FSIP2: variants seen among roughly 807,000 people sequenced by gnomAD.
The protein encoded by FSIP2 is fibrous sheath-interacting protein 2.
Under a neutral mutation model 510.5 loss-of-function variants are expected in FSIP2, and 367 were observed. The observed-to-expected ratio is 0.72, with a 90% CI of 0.66 to 0.78. FSIP2 has a LOEUF of 0.78. Among genes scored for constraint, FSIP2 ranks in the 30% least tolerant of loss-of-function variants. The probability of loss-of-function intolerance (pLI) is 0.00; values close to 1 mark genes in which losing one functional copy is unlikely to be tolerated. For missense variants in FSIP2, 7,594 were observed against 7,901.7 expected, an observed-to-expected ratio of 0.96 and a Z score of 1.48; for synonymous variants, 2,601 against 2,732.2, an observed-to-expected ratio of 0.95 and a Z score of 1.50.
rs750879941 is a variant in FSIP2 at position 185,796,639 on chromosome 2, C to T, written c.9503C>T (p.Thr3168Ile). Reference sequence around the variant, plus strand: ...TTAGCAACTAATATGAAAATGTTCACATCAAAGTTAAAGGAAGGTAGTTTG... The same window carrying T: ...TTAGCAACTAATATGAAAATGTTCATATCAAAGTTAAAGGAAGGTAGTTTG... ...VELATNMKMF[T>I]SKLKEGSLGI... Residue 3168 changes from threonine (T) to isoleucine (I), a missense_variant, in exon 16 of 23, where the codon ACA becomes ATA. Physicochemically the swap from Thr to Ile is moderately conservative, Grantham distance 89 (BLOSUM62 -1). Coordinates refer to ENST00000424728, the MANE Select transcript of FSIP2 (RefSeq NM_173651.4). The T allele has an allele frequency of 2.0e-6, 3 of 1,534,850 alleles. No individual in the cohort carries two copies. The highest frequency in any genetic ancestry group is 2.4e-5 in the South Asian group (2 of 84,042).
intron 22 of FSIP2, among the ~76,000 whole-genome samples, chr2:185,832,263 C>T (rs531966028): frequency 1.3e-5 from 2 of 151,988 alleles, no homozygotes; most frequent in African/African-American, 4.8e-5. Flanking sequence ...TCATTGTCTA[C>T]ACACACAAAT....
chr2:185,764,067 T>G (rs1692409479), intron 12 of FSIP2, among the ~76,000 whole-genome samples: 1 of 144,688 alleles, frequency 6.9e-6, no homozygotes, highest in Non-Finnish European at 1.5e-5. Flanking sequence ...GGCCAAAATA[T>G]TATAAAGGCT....
In FSIP2 at chr2:185,792,725, T is replaced by C. The variant is rs1340656691; in HGVS notation, c.5589T>C (p.Asn1863=). The change falls in exon 16 of 23, where the codon AAT becomes AAC. Residue 1863 remains asparagine, a synonymous_variant. Transcript: ENST00000424728. ...ATTCAGCTGCCATGACAGAAAGAAA[T>C]GTAAGGGAAAATAGGTATAAAACTA... ...KLYSAAMTER[N]VRENRYKTIT... 6.5e-7 allele frequency: 1 copy of C among 1,533,994 alleles called. No individual in the cohort carries two copies. The highest frequency in any genetic ancestry group is 8.7e-7 in the Non-Finnish European group (1 of 1,145,524).
At chr2:185,797,585 G>C in intron 16 of FSIP2, 59 bp downstream of exon 16, 3 of 1,453,674 alleles carry the variant, frequency 2.1e-6, no homozygotes, top group Non-Finnish European at 2.7e-6. Context: ...ACCAGTAAAA[G>C]ACATGTTTAA....
At chr2:185,799,500 T>C (rs1343240306) in intron 16 of FSIP2, among the ~76,000 whole-genome samples, 197 bp from the exon 17 acceptor site, 3 of 151,754 alleles carry the variant, frequency 2.0e-5, no homozygotes, top group Admixed American at 6.6e-5. Flanking sequence ...ATTTTCTCAA[T>C]TTATTGGCTA....
At chr2:185,821,925 C>CAA (rs35066355) in intron 19 of FSIP2, among the ~76,000 whole-genome samples, 5 of 127,460 alleles carry the variant, frequency 3.9e-5, no homozygotes, top group Admixed American at 8.1e-5. Context: ...GACCCTATCT[C>CAA]AAAAAAAAAA....
At chr2:185,781,849 T>TA (rs1692855754) in intron 13 of FSIP2, among the ~76,000 whole-genome samples, 1 of 151,866 alleles carries the variant, frequency 6.6e-6, no homozygotes. Flanking sequence ...CACTCTTTTT[T>TA]TTTTTTGAGA....
intron 9 of FSIP2, among the ~76,000 whole-genome samples, chr2:185,760,087 A>G (rs574215445): frequency 1.3e-4 from 19 of 150,862 alleles, no homozygotes; most frequent in South Asian, 4.1e-4. Context: ...TATTTCATTT[A>G]TTAATTATCT....
At chr2:185,752,282 A>G (rs1429355979) in intron 7 of FSIP2, among the ~76,000 whole-genome samples, 2 of 150,904 alleles carry the variant, frequency 1.3e-5, no homozygotes, top group Non-Finnish European at 1.5e-5. Flanking sequence ...CATTGATTCC[A>G]AGAAGAATTC....
At chr2:185,751,484 T>TGC (rs1692146169) in intron 7 of FSIP2, among the ~76,000 whole-genome samples, 1 of 130,156 alleles carries the variant, frequency 7.7e-6, no homozygotes, top group South Asian at 2.5e-4. Context: ...TGTGTGTGTG[T>TGC]GTGTGTGTGT....
chr2:185,826,212 G>GT (rs1694010213), intron 20 of FSIP2, among the ~76,000 whole-genome samples: 1 of 151,758 alleles, frequency 6.6e-6, no homozygotes, highest in South Asian at 2.1e-4. Flanking sequence ...ATGTAACCTT[G>GT]TTAAGCAAAG....
intron 7 of FSIP2, 91 bp from the exon 8 acceptor site, chr2:185,753,630 AT>A (rs1692189110): frequency 4.7e-6 from 3 of 631,810 alleles, no homozygotes; most frequent in African/African-American, 3.8e-5. Context: ...CTGATTATCC[AT>A]TTTCAAAATA....
Position 185,807,720 on chromosome 2 carries a change from A to G in FSIP2, c.18414A>G (p.Leu6138=). ...TGCAGAGCTATTTTTGTGGAGAGCT[A>G]ACTCCACATCAGTGTGTGGAAGTTG... is the stretch of plus-strand genomic sequence containing the variant. ...NQLQSYFCGE[L]TPHQCVEVEN... is the part of the protein sequence containing the mutation. The change falls in exon 17 of 23, where the codon CTA becomes CTG. Residue 6138 remains leucine (L), a synonymous_variant. Coordinates refer to ENST00000424728, the MANE Select transcript of FSIP2 (RefSeq NM_173651.4). 1.2e-6 allele frequency: 2 copies of G among 1,612,562 alleles called. No individual in the cohort carries two copies. Among genetic ancestry groups the G allele is most frequent in the South Asian group, 2.2e-5 (2 of 91,030 alleles).
rs1183517379 is a variant in FSIP2, at chr2:185,802,125, T to C, written c.12819T>C (p.Thr4273=). Residue 4273 remains threonine, a synonymous_variant, in exon 17 of 23, where the codon ACT becomes ACC. Transcript: ENST00000424728. ...GAGAGGTTTTATGTCATCCAAGGACTCCACTGGATCCAGTGTCTACTATTG... is the reference window on the plus strand; with the variant it reads ...GAGAGGTTTTATGTCATCCAAGGACCCCACTGGATCCAGTGTCTACTATTG... ...LSGEVLCHPR[T]PLDPVSTIVT... The C allele has an allele frequency of 1.0e-5, 16 of 1,532,728 alleles. No homozygotes were observed. Among genetic ancestry groups the C allele is most frequent in the Non-Finnish European group, 1.4e-5 (16 of 1,144,588 alleles). The allele number at this position is 1,532,728 out of a possible 1,614,324, so 94.9% of individuals were successfully genotyped here.
Position 185,756,230 on chromosome 2 carries a change from A to C in FSIP2, c.1030A>C (p.Met344Leu), listed in dbSNP as rs189753181. 1 of 1,345,468 alleles carries C rather than the reference A, an allele frequency of 7.4e-7. No individual in the cohort carries two copies. The allele number at this position is 1,345,468 out of a possible 1,614,324, so 83.3% of individuals were successfully genotyped here. Residue 344 changes from methionine to leucine, a missense_variant, in exon 9 of 23, where the codon ATG becomes CTG. Physicochemically the swap from Met to Leu is conservative, Grantham distance 15. Coordinates refer to ENST00000424728, the MANE Select transcript of FSIP2 (RefSeq NM_173651.4). Reference sequence around the variant, plus strand: ...TAAAAAGAAGACTTCTGAAGATATAATGTTAGTTTATCCTGCTGGAGACCA... The same window carrying C: ...TAAAAAGAAGACTTCTGAAGATATACTGTTAGTTTATCCTGCTGGAGACCA... The part of the protein sequence containing the change: ...KNKKKTSEDI[M>L]LVYPAGDQNT...
At position 185,804,659 on chromosome 2, in the gene FSIP2, T is replaced by C; in HGVS notation, c.15353T>C (p.Leu5118Ser). Residue 5118 changes from leucine to serine, a missense_variant, in exon 17 of 23, where the codon TTA (leucine) becomes TCA (serine). Physicochemically the swap from Leu to Ser is moderately radical, Grantham distance 145. Transcript: ENST00000424728. ...PYITVLPHSL[L>S]EDMVYRLLGH... ...ATTACTGTGTTGCCTCATTCTCTTT[T>C]AGAAGATATGGTTTACAGGCTTCTA... The C allele has an allele frequency of 6.5e-7, 1 of 1,533,070 alleles. No homozygotes were observed. The allele number at this position is 1,533,070 out of a possible 1,614,324, so 95.0% of individuals were successfully genotyped here. A position where few individuals can be genotyped will look rare whatever the true frequency, so the allele number is the denominator to read the frequency against.
chr2:185,785,810 C>G (rs1559023562), intron 14 of FSIP2, among the ~76,000 whole-genome samples: 1 of 151,908 alleles, frequency 6.6e-6, no homozygotes, highest in Non-Finnish European at 1.5e-5. Context: ...GGGGAGAGGA[C>G]AGTGGAACTA....
chr2:185,790,645 T>A lies in FSIP2; in HGVS notation c.3509T>A (p.Ile1170Lys), dbSNP rs1320707290. 6.5e-7 allele frequency: 1 copy of A among 1,533,802 alleles called. No homozygotes were observed. The highest frequency in any genetic ancestry group is 8.7e-7 in the Non-Finnish European group (1 of 1,145,364). Residue 1170 changes from isoleucine (I) to lysine (K), a missense_variant, in exon 16 of 23, where the codon ATA becomes AAA. Coordinates refer to ENST00000424728, the MANE Select transcript of FSIP2 (RefSeq NM_173651.4). ...GAAATCAGTACAGTGGCTCAAGAAA[T>A]AACAGATTCTGTGTTAAACATACTT... ...VSEISTVAQE[I>K]TDSVLNILHK...
intron 7 of FSIP2, among the ~76,000 whole-genome samples, chr2:185,748,056 T>A (rs960961758): frequency 1.3e-5 from 2 of 152,072 alleles, no homozygotes; most frequent in Non-Finnish European, 2.9e-5. Context: ...GGTAGGTTAT[T>A]GTTAACAAAC....
Sources: gnomAD v4.1 joint callset for allele counts (sites outside exome capture counted in the v4.1 genomes callset) on GRCh38, gnomAD v4.1.1 for gene constraint, MANE v1.5 for transcripts, NCBI Gene and HGNC (gene_info 2026-07-23, HGNC 2026-07-21) for gene names.